Variants in CNTNAP2 observed in about 807,000 individuals in gnomAD.
CNTNAP2 encodes the protein contactin-associated protein-like 2.
Under a neutral mutation model 155.2 loss-of-function variants are expected in CNTNAP2, and 98 were observed. That is an observed-to-expected ratio of 0.63 (90% CI 0.54 to 0.75). The LOEUF is 0.75. Ranked by LOEUF, CNTNAP2 falls within the 30% of genes least tolerant of loss-of-function variation. The pLI is 0.00. For synonymous variants in CNTNAP2, 651 were observed against 631.2 expected, an observed-to-expected ratio of 1.03 and a Z score of -0.47; for missense variants, 1,727 against 1,688.1, an observed-to-expected ratio of 1.02 and a Z score of -0.40.
At chr7:146,860,862 ATT>A (rs1795085270) in intron 3 of CNTNAP2, among the ~76,000 whole-genome samples, 1 of 151,952 alleles carries the variant, frequency 6.6e-6, no homozygotes, top group Non-Finnish European at 1.5e-5. Context: ...CCTCCTTTGG[ATT>A]AAGATAATTA....
chr7:147,919,460 T>TTTCTTTC (rs1491463123), intron 14 of CNTNAP2, among the ~76,000 whole-genome samples: 1 of 50,450 alleles, frequency 2.0e-5, no homozygotes, highest in African/African-American at 1.6e-4. Context: ...TTTTTCTTTC[T>TTTCTTTC]TTTTTTTTTT....
chr7:148,238,839 A>T (rs1039422149), intron 20 of CNTNAP2, among the ~76,000 whole-genome samples: 1 of 152,234 alleles, frequency 6.6e-6, no homozygotes. Context: ...TAAATTATTT[A>T]AAAATGTGTG....
chr7:147,296,417 A>G (rs896431006), intron 8 of CNTNAP2, among the ~76,000 whole-genome samples: 1 of 152,202 alleles, frequency 6.6e-6, no homozygotes, highest in African/African-American at 2.4e-5. Context: ...CTTGACTGAC[A>G]GTTAACTTCA....
intron 21 of CNTNAP2, among the ~76,000 whole-genome samples, chr7:148,318,611 G>T (rs1014645923): frequency 3.9e-5 from 6 of 152,150 alleles, no homozygotes; most frequent in Non-Finnish European, 8.8e-5. Context: ...CTACCCAAAA[G>T]CATTCAAATT....
intron 18 of CNTNAP2, among the ~76,000 whole-genome samples, chr7:148,201,656 C>T (rs969382286): frequency 2.0e-5 from 3 of 152,044 alleles, no homozygotes; most frequent in Non-Finnish European, 2.9e-5. Flanking sequence ...TGCAACTAAA[C>T]TTTGTGCCCC....
At chr7:148,242,505 T>C (rs764346213) in intron 20 of CNTNAP2, among the ~76,000 whole-genome samples, 40 of 152,212 alleles carry the variant, frequency 2.6e-4, no homozygotes, top group Non-Finnish European at 4.7e-4. Context: ...AGGGAAAATC[T>C]TGTGAAACTG....
intron 1 of CNTNAP2, among the ~76,000 whole-genome samples, chr7:146,544,240 T>C (rs896773506): frequency 6.6e-6 from 1 of 151,944 alleles, no homozygotes; most frequent in Non-Finnish European, 1.5e-5. Flanking sequence ...TTATTACAGC[T>C]GCAACAAGTG....
At chr7:147,479,733 CT>C (rs11382857) in intron 10 of CNTNAP2, among the ~76,000 whole-genome samples, 8 of 150,346 alleles carry the variant, frequency 5.3e-5, no homozygotes, top group African/African-American at 1.7e-4. Flanking sequence ...AATATGCTTG[CT>C]TTTTTTTTAA....
At position 148,158,222 on chromosome 7, in the gene CNTNAP2, CTTTT is replaced by C. The variant is rs1224617335; in HGVS notation, c.2773+10529_2773+10532del. Among the ~76,000 whole-genome samples the C allele has an allele frequency of 3.2e-5, 3 of 94,794 alleles. 1 individual carries two copies. Among genetic ancestry groups the C allele is most frequent in the African/African-American group, 9.9e-5 (2 of 20,112 alleles). 62.2% of individuals were successfully genotyped at this position (94,794 alleles called of 152,430 possible). A position where few individuals can be genotyped will look rare whatever the true frequency, so the allele number is the denominator to read the frequency against. On this transcript the variant is annotated intron_variant, in intron 17 of 23. Coordinates refer to ENST00000361727, the MANE Select transcript of CNTNAP2 (RefSeq NM_014141.6). Reference sequence around the variant, plus strand: ...AGTGATGATAGGTACAATGTTTGCGCTTTTTTTTTTTTTTTTTTTGAGACAGAGT... The same window carrying C: ...AGTGATGATAGGTACAATGTTTGCGCTTTTTTTTTTTTTTTGAGACAGAGT...
At chr7:146,844,647 C>G (rs1345612760) in intron 3 of CNTNAP2, among the ~76,000 whole-genome samples, 3 of 152,068 alleles carry the variant, frequency 2.0e-5, no homozygotes, top group Non-Finnish European at 4.4e-5. Flanking sequence ...ATTTTGAATG[C>G]AGATATTCGG....
At chr7:147,570,868 C>T (rs574070411) in intron 12 of CNTNAP2, among the ~76,000 whole-genome samples, 1 of 152,304 alleles carries the variant, frequency 6.6e-6, no homozygotes, top group East Asian at 1.9e-4. Flanking sequence ...CAGCACTCCT[C>T]ATTTTAGATT....
At chr7:148,145,235 G>A (rs1449204758) in intron 16 of CNTNAP2, among the ~76,000 whole-genome samples, 1 of 152,172 alleles carries the variant, frequency 6.6e-6, no homozygotes, top group Non-Finnish European at 1.5e-5. Flanking sequence ...TCCCATTAGG[G>A]TGAGAGGCTC....
intron 12 of CNTNAP2, among the ~76,000 whole-genome samples, chr7:147,594,084 C>A (rs983629953): frequency 6.0e-5 from 9 of 150,218 alleles, no homozygotes; most frequent in African/African-American, 2.2e-4. Context: ...GCAATTCCAA[C>A]ATTTGCAAGG....
At chr7:147,499,459 G>C (rs1186639155) in intron 11 of CNTNAP2, among the ~76,000 whole-genome samples, 1 of 152,122 alleles carries the variant, frequency 6.6e-6, no homozygotes, top group African/African-American at 2.4e-5. Context: ...AACCCGGGAG[G>C]CAGAGCTTGC....
rs564309489 is a variant in CNTNAP2, at chr7:147,415,750, TAAC to T, written c.1670+19973_1670+19975del. 2.0e-3 allele frequency among the ~76,000 whole-genome samples: 301 copies of T among 152,280 alleles called. 1 individual carries two copies. Among genetic ancestry groups the T allele is most frequent in the African/African-American group, 6.7e-3 (277 of 41,556 alleles). On this transcript the variant is annotated intron_variant, in intron 10 of 23. Coordinates refer to ENST00000361727, the MANE Select transcript of CNTNAP2 (RefSeq NM_014141.6). ...TTAGGAAAAAAAATGTGAAAATTCA[TAAC>T]AAGGGAGCATAACCATTGAATGACC...
intron 1 of CNTNAP2, among the ~76,000 whole-genome samples, chr7:146,120,724 C>T (rs1797549237): frequency 6.6e-6 from 1 of 152,152 alleles, no homozygotes. Context: ...TTTACTGTAT[C>T]TTTTCCATGT....
intron 15 of CNTNAP2, among the ~76,000 whole-genome samples, chr7:148,083,158 C>G (rs1803648669): frequency 6.6e-6 from 1 of 152,108 alleles, no homozygotes; most frequent in African/African-American, 2.4e-5. Flanking sequence ...CAGATTTATC[C>G]CATTGCTTTG....
In CNTNAP2 at chr7:147,316,887, G is replaced by A. The variant is rs140650997; in HGVS notation, c.1498+16597G>A. Among the ~76,000 whole-genome samples the A allele has an allele frequency of 1.7e-3, 263 of 152,260 alleles. 3 individuals carry two copies. Among genetic ancestry groups the A allele is most frequent in the African/African-American group, 6.1e-3 (252 of 41,554 alleles). On this transcript the variant is annotated intron_variant, in intron 9 of 23. Transcript: ENST00000361727. Reference sequence around the variant, plus strand: ...TTAAATGGTATACAAAAAGGTTAATGACATAGTCTTATTGCAATGGGGATA... The same window carrying A: ...TTAAATGGTATACAAAAAGGTTAATAACATAGTCTTATTGCAATGGGGATA...
At chr7:146,500,834 A>T (rs1797290110) in intron 1 of CNTNAP2, among the ~76,000 whole-genome samples, 1 of 152,062 alleles carries the variant, frequency 6.6e-6, no homozygotes, top group Non-Finnish European at 1.5e-5. Context: ...TTTCACCATT[A>T]ATTATTGTGT....
Sources: allele counts gnomAD v4.1 joint callset (sites outside exome capture counted in the v4.1 genomes callset), GRCh38; gene constraint gnomAD v4.1.1; transcripts MANE v1.5; gene names NCBI Gene and HGNC (gene_info 2026-07-23, HGNC 2026-07-21).